The following GPC5 variants were observed in gnomAD, a reference collection of about 807,000 sequenced individuals.
GPC5 encodes glypican-5.
A neutral mutation model predicts 53.9 loss-of-function variants in GPC5; 47 were observed. The ratio of observed to expected loss-of-function variants is 0.87; its 90% CI spans 0.69 to 1.11. The LOEUF (loss-of-function observed/expected upper bound fraction) is 1.11. Among genes scored for constraint, GPC5 ranks in the 50% most tolerant of loss-of-function variants. The probability of loss-of-function intolerance (pLI) is 0.00; values close to 1 mark genes in which losing one functional copy is unlikely to be tolerated. For missense variants in GPC5, 748 were observed against 713.1 expected (o/e 1.05, Z -0.56); for synonymous variants, 286 against 263.3 (o/e 1.09, Z -0.84).
chr13:92,621,693 G>A (rs1343164416), intron 7 of GPC5, among the ~76,000 whole-genome samples: 5 of 151,990 alleles, frequency 3.3e-5, no homozygotes, highest in African/African-American at 9.7e-5. Context: ...GGTGGCGGGC[G>A]CTTGTAATCC....
chr13:92,725,083 T>C (rs1443398975), intron 7 of GPC5, among the ~76,000 whole-genome samples: 1 of 151,640 alleles, frequency 6.6e-6, no homozygotes, highest in Non-Finnish European at 1.5e-5. Context: ...TTAATAAATT[T>C]AACCATGTTA....
At chr13:91,823,622 C>G (rs541288340) in intron 5 of GPC5, among the ~76,000 whole-genome samples, 9 of 152,086 alleles carry the variant, frequency 5.9e-5, no homozygotes, top group Non-Finnish European at 1.2e-4. Context: ...CTTTCTTGAA[C>G]TTGAAATGGA....
chr13:92,692,759 T>TTTTTTTTTTTTTTTTTTTTTTTTTTTTTG (rs1566366407), intron 7 of GPC5, among the ~76,000 whole-genome samples: 3 of 142,186 alleles, frequency 2.1e-5, no homozygotes, highest in African/African-American at 7.8e-5. Context: ...CGGCTATTTT[T>TTTTTTTTTTTTTTTTTTTTTTTTTTTTTG]TTTTTTTTTT....
chr13:91,906,502 G>C (rs2039554415), intron 5 of GPC5, among the ~76,000 whole-genome samples: 1 of 152,056 alleles, frequency 6.6e-6, no homozygotes, highest in African/African-American at 2.4e-5. Context: ...AGGCAAATAA[G>C]AGTATTTATA....
At chr13:91,977,479 A>C (rs2040314407) in intron 6 of GPC5, among the ~76,000 whole-genome samples, 1 of 152,174 alleles carries the variant, frequency 6.6e-6, no homozygotes, top group African/African-American at 2.4e-5. Flanking sequence ...ATTTAAGAAA[A>C]AATCCCATCT....
intron 4 of GPC5, among the ~76,000 whole-genome samples, chr13:91,751,308 T>G (rs1350354427): frequency 6.6e-6 from 1 of 152,258 alleles, no homozygotes; most frequent in African/African-American, 2.4e-5. Context: ...AATTTCTGAT[T>G]AATGAATTAT....
chr13:91,829,743 C>T (rs551221143), intron 5 of GPC5, among the ~76,000 whole-genome samples: 13 of 151,856 alleles, frequency 8.6e-5, no homozygotes, highest in Admixed American at 2.0e-4. Context: ...GCTGGGCATC[C>T]GGGGGAGACA....
At chr13:92,754,526 C>T (rs1874761756) in intron 7 of GPC5, among the ~76,000 whole-genome samples, 1 of 151,430 alleles carries the variant, frequency 6.6e-6, no homozygotes, top group Non-Finnish European at 1.5e-5. Context: ...TTAAAAGACA[C>T]AAACTGGCAA....
At chr13:92,057,492 A>G (rs2041085066) in intron 6 of GPC5, among the ~76,000 whole-genome samples, 1 of 152,210 alleles carries the variant, frequency 6.6e-6, no homozygotes, top group African/African-American at 2.4e-5. Flanking sequence ...GTAGATAAGC[A>G]AATACTCTTT....
intron 1 of GPC5, among the ~76,000 whole-genome samples, chr13:91,427,467 G>T (rs2139008988): frequency 6.6e-6 from 1 of 152,314 alleles, no homozygotes; most frequent in South Asian, 2.1e-4. Flanking sequence ...TTTCATACTT[G>T]TATGGGGCCA....
At chr13:92,454,958 G>C (rs1878202636) in intron 7 of GPC5, among the ~76,000 whole-genome samples, 1 of 152,164 alleles carries the variant, frequency 6.6e-6, no homozygotes, top group African/African-American at 2.4e-5. Context: ...CATAGCTCCA[G>C]TAAATGCTAA....
intron 7 of GPC5, among the ~76,000 whole-genome samples, chr13:92,298,236 T>A (rs914537669): frequency 2.0e-5 from 3 of 152,170 alleles, no homozygotes; most frequent in Non-Finnish European, 4.4e-5. Flanking sequence ...GAACTTGTCC[T>A]AGGCTCCCCG....
At chr13:92,351,514 A>G (rs948141737) in intron 7 of GPC5, among the ~76,000 whole-genome samples, 2 of 152,022 alleles carry the variant, frequency 1.3e-5, no homozygotes, top group Non-Finnish European at 2.9e-5. Flanking sequence ...CTCAGGCAAT[A>G]CCAAGATGAA....
intron 7 of GPC5, among the ~76,000 whole-genome samples, chr13:92,590,589 T>A (rs1363520194): frequency 6.6e-6 from 1 of 152,218 alleles, no homozygotes; most frequent in Non-Finnish European, 1.5e-5. Context: ...ACATTCCTTC[T>A]GAATTCACTT....
intron 1 of GPC5, among the ~76,000 whole-genome samples, chr13:91,440,897 GTTGGGCAGAGT>G (rs1417043046): frequency 2.0e-5 from 3 of 152,152 alleles, no homozygotes; most frequent in Non-Finnish European, 4.4e-5. Flanking sequence ...TCAGCCAGAG[GTTGGGCAGAGT>G]TTACACAGAA....
chr13:92,668,094 T>A (rs61975934), intron 7 of GPC5, among the ~76,000 whole-genome samples: 33,697 of 152,154 alleles, frequency 0.22, 4,389 homozygotes, highest in South Asian at 0.36. Context: ...TATGTGTGAA[T>A]GTATGTGATT....
At chr13:91,667,754 T>C (rs1377498146) in intron 2 of GPC5, among the ~76,000 whole-genome samples, 1 of 152,174 alleles carries the variant, frequency 6.6e-6, no homozygotes, top group Non-Finnish European at 1.5e-5. Context: ...AACCTGCAGA[T>C]AGTAGGGCAC....
chr13:91,579,496 T>A (rs1015528721), intron 2 of GPC5, among the ~76,000 whole-genome samples: 2 of 152,188 alleles, frequency 1.3e-5, no homozygotes, highest in African/African-American at 4.8e-5. Context: ...TCCTCAGCTC[T>A]GTCATCTGAA....
intron 6 of GPC5, among the ~76,000 whole-genome samples, chr13:92,095,737 G>A (rs1159987314): frequency 2.0e-5 from 3 of 152,044 alleles, no homozygotes; most frequent in Non-Finnish European, 2.9e-5. Flanking sequence ...GTTTCACCAC[G>A]TTGGTCAGGC....
Sources: allele counts gnomAD v4.1 joint callset (sites outside exome capture counted in the v4.1 genomes callset), GRCh38; gene constraint gnomAD v4.1.1; transcripts MANE v1.5; gene names NCBI Gene and HGNC (gene_info 2026-07-23, HGNC 2026-07-21).